Variants in FNDC3B observed in about 807,000 individuals in gnomAD.
FNDC3B encodes the protein fibronectin type III domain containing 3B.
FNDC3B carries 12 observed loss-of-function variants against 151.5 expected under a neutral mutation model. The ratio of observed to expected loss-of-function variants is 0.08; its 90% CI spans 0.05 to 0.13. FNDC3B has a LOEUF of 0.13. Ranked by LOEUF, FNDC3B falls within the 10% of genes least tolerant of loss-of-function variation. The pLI is 1.00. For missense variants in FNDC3B, 1,214 were observed against 1,505.3 expected (o/e 0.81, Z 3.20); for synonymous variants, 528 against 549.0 (o/e 0.96, Z 0.54).
chr3:172,301,451 G>A (rs1026221016), intron 9 of FNDC3B, among the ~76,000 whole-genome samples: 4 of 152,118 alleles, frequency 2.6e-5, no homozygotes, highest in African/African-American at 7.2e-5. Flanking sequence ...TAGAGTGGCC[G>A]CAAATATTTT....
At chr3:172,135,249 G>A (rs1218056588) in intron 3 of FNDC3B, among the ~76,000 whole-genome samples, 3 of 152,066 alleles carry the variant, frequency 2.0e-5, no homozygotes, top group Non-Finnish European at 2.9e-5. Context: ...TCTAAGGAGT[G>A]TGTGTATGTG....
intron 1 of FNDC3B, among the ~76,000 whole-genome samples, chr3:172,085,946 T>C (rs144027115): frequency 6.6e-6 from 1 of 152,336 alleles, no homozygotes; most frequent in African/African-American, 2.4e-5. Context: ...CTAGAGAGCT[T>C]TTATTTTTCT....
At chr3:172,390,324 A>G (rs975815671) in intron 25 of FNDC3B, among the ~76,000 whole-genome samples, 5 of 152,230 alleles carry the variant, frequency 3.3e-5, no homozygotes, top group African/African-American at 7.2e-5. Flanking sequence ...TTTCGTTAAG[A>G]AAGTTCCCTT....
At position 172,309,394 on chromosome 3, in the gene FNDC3B, G is replaced by A. The variant is rs182533340; in HGVS notation, c.1201-1434G>A. On this transcript the variant is annotated intron_variant, in intron 10 of 25. Transcript: ENST00000415807. ...TGTACCCACCCTCAAGGAATTAAGG[G>A]ACTAGTAGTGGGGTAGGATATCATC... is the stretch of plus-strand genomic sequence containing the variant. Among the ~76,000 whole-genome samples, 13 of 152,214 alleles carry A rather than the reference G, an allele frequency of 8.5e-5. No individual in the cohort carries two copies. The East Asian group carries it at 2.3e-3, about 27-fold the overall frequency.
At chr3:172,347,191 C>A (rs773247741) in intron 20 of FNDC3B, 21 bp from the exon 21 acceptor site, 1 of 1,601,188 alleles carries the variant, frequency 6.2e-7, no homozygotes, top group South Asian at 1.1e-5. Context: ...TTATTAACTA[C>A]TTCCATTTCT....
intron 1 of FNDC3B, among the ~76,000 whole-genome samples, chr3:172,105,602 C>T (rs1230420361): frequency 6.8e-6 from 1 of 147,662 alleles, no homozygotes; most frequent in Non-Finnish European, 1.5e-5. Context: ...TTTCTTCCCC[C>T]ATTATTATTG....
At chr3:172,162,352 G>C (rs778283031) in intron 3 of FNDC3B, among the ~76,000 whole-genome samples, 29 of 152,140 alleles carry the variant, frequency 1.9e-4, no homozygotes, top group Non-Finnish European at 3.5e-4. Flanking sequence ...TAATATTCCA[G>C]CATATGGATG....
intron 1 of FNDC3B, among the ~76,000 whole-genome samples, chr3:172,103,923 A>C (rs1036730342): frequency 6.6e-6 from 1 of 152,190 alleles, no homozygotes; most frequent in Non-Finnish European, 1.5e-5. Flanking sequence ...GTTTTTCTGC[A>C]TGAACAATTA....
chr3:172,374,648 C>T (rs1735043961), intron 23 of FNDC3B, among the ~76,000 whole-genome samples: 1 of 152,198 alleles, frequency 6.6e-6, no homozygotes, highest in African/African-American at 2.4e-5. Context: ...CCGCCTCGGC[C>T]TCCCAAAATG....
chr3:172,352,765 G>T lies in FNDC3B; in HGVS notation c.2515-38G>T. On this transcript the variant is annotated intron_variant, in intron 21 of 25. Transcript: ENST00000415807. This position sits in a 1 kb window ranked among gnomAD's most constrained non-coding sequence, Gnocchi z 4.2. ...TCAGAGGCATCAAAATGTGCTAATG[G>T]TGTAATATGGCCTTTGTCTTGCTGT... 6.3e-7 allele frequency: 1 copy of T among 1,595,430 alleles called. No homozygotes were observed. Among genetic ancestry groups the T allele is most frequent in the Non-Finnish European group, 8.5e-7 (1 of 1,172,228 alleles).
intron 3 of FNDC3B, among the ~76,000 whole-genome samples, chr3:172,208,804 A>G (rs1725565748): frequency 6.6e-6 from 1 of 151,990 alleles, no homozygotes; most frequent in African/African-American, 2.4e-5. Flanking sequence ...GGGGTGTCTA[A>G]ATGATTGAGC....
chr3:172,168,016 T>C (rs1723094641), intron 3 of FNDC3B, among the ~76,000 whole-genome samples: 1 of 152,216 alleles, frequency 6.6e-6, no homozygotes, highest in African/African-American at 2.4e-5. Context: ...ATTCCAGTGG[T>C]GTTTACCTGG....
At chr3:172,110,365 G>C (rs879301030) in intron 1 of FNDC3B, among the ~76,000 whole-genome samples, 3 of 152,088 alleles carry the variant, frequency 2.0e-5, no homozygotes, top group African/African-American at 7.2e-5. Flanking sequence ...ACTTTGGTTA[G>C]ATGGGTTGGA....
At chr3:172,253,104 C>T (rs551233895) in intron 6 of FNDC3B, among the ~76,000 whole-genome samples, 1 of 152,150 alleles carries the variant, frequency 6.6e-6, no homozygotes, top group Non-Finnish European at 1.5e-5. Flanking sequence ...AGAGAGCTTA[C>T]GAGGTTTGAA....
chr3:172,296,898 G>A (rs1368966158), intron 8 of FNDC3B, among the ~76,000 whole-genome samples: 2 of 152,132 alleles, frequency 1.3e-5, no homozygotes, highest in African/African-American at 4.8e-5. Flanking sequence ...CTGTGGGGGT[G>A]GGGTCCTGGT....
intron 1 of FNDC3B, among the ~76,000 whole-genome samples, chr3:172,095,792 AAAACAAACAAAC>A (rs138577405): frequency 6.0e-5 from 9 of 151,032 alleles, no homozygotes; most frequent in African/African-American, 2.2e-4. Context: ...CTTTGTTAAA[AAAACAAACAAAC>A]AAACAAACAA....
At chr3:172,282,400 CTAACA>C (rs1729780022) in intron 6 of FNDC3B, among the ~76,000 whole-genome samples, 1 of 152,128 alleles carries the variant, frequency 6.6e-6, no homozygotes, top group Admixed American at 6.5e-5. Context: ...CACGTTTCTC[CTAACA>C]TGAGGGGCTA....
intron 3 of FNDC3B, among the ~76,000 whole-genome samples, chr3:172,149,759 T>C (rs924230385): frequency 2.6e-4 from 40 of 151,094 alleles, no homozygotes; most frequent in Non-Finnish European, 4.6e-4. Flanking sequence ...CTTGTTTTAA[T>C]AATTGCTACT....
intron 20 of FNDC3B, among the ~76,000 whole-genome samples, chr3:172,346,865 G>A (rs1403398703): frequency 6.6e-6 from 1 of 151,892 alleles, no homozygotes; most frequent in African/African-American, 2.4e-5. Context: ...CACCATGCCT[G>A]GCTAGTTTTT....
Sources: gnomAD v4.1 joint callset for allele counts (sites outside exome capture counted in the v4.1 genomes callset) on GRCh38, gnomAD v4.1.1 for gene constraint, Gnocchi (gnomAD v3.1) non-coding constraint, MANE v1.5 for transcripts, NCBI Gene and HGNC (gene_info 2026-07-23, HGNC 2026-07-21) for gene names.